UTRN: variants seen among roughly 807,000 people sequenced by gnomAD.
UTRN encodes utrophin.
In UTRN, 283 loss-of-function variants were observed where a neutral mutation model predicts 463.9. The ratio of observed to expected loss-of-function variants is 0.61; its 90% CI spans 0.55 to 0.67. UTRN has a LOEUF of 0.67. UTRN is among the 30% of genes least tolerant of loss of function. UTRN has a pLI of 0.00. For missense variants in UTRN, 3,922 were observed against 4,084.3 expected, an observed-to-expected ratio of 0.96 and a Z score of 1.08; for synonymous variants, 1,442 against 1,431.5, an observed-to-expected ratio of 1.01 and a Z score of -0.17.
At chr6:144,617,223 C>CA (rs1043058178) in intron 51 of UTRN, among the ~76,000 whole-genome samples, 1 of 152,118 alleles carries the variant, frequency 6.6e-6, no homozygotes, top group African/African-American at 2.4e-5. Context: ...TTATATCCAC[C>CA]ATACCATCAC....
intron 53 of UTRN, among the ~76,000 whole-genome samples, chr6:144,727,398 A>C (rs749644952): frequency 3.3e-5 from 5 of 152,176 alleles, no homozygotes; most frequent in Non-Finnish European, 5.9e-5. Context: ...AAATCTGTAC[A>C]TTCCTGGAAC....
intron 2 of UTRN, among the ~76,000 whole-genome samples, chr6:144,366,863 C>A (rs1394877468): frequency 6.6e-6 from 1 of 152,210 alleles, no homozygotes; most frequent in Non-Finnish European, 1.5e-5. Context: ...TACACTCCTA[C>A]CAACAGTGTG....
rs1023647818 is a variant in UTRN at position 144,491,734 on chromosome 6, A to G, written c.4437+632A>G. ...GACAGTTCTTTGTGCTTTTCAAAAC[A>G]AAGGATAAATTTTAATATATATGTG... On this transcript the variant is annotated intron_variant, in intron 32 of 74. Coordinates refer to ENST00000367545, the MANE Select transcript of UTRN (RefSeq NM_007124.3). Among the ~76,000 whole-genome samples the G allele has an allele frequency of 5.9e-5, 9 of 152,210 alleles. No individual in the cohort carries two copies. In the South Asian group the frequency reaches 1.7e-3, roughly 28 times the overall value.
chr6:144,490,517 C>T (rs1206092174), intron 31 of UTRN, among the ~76,000 whole-genome samples: 1 of 152,096 alleles, frequency 6.6e-6, no homozygotes, highest in African/African-American at 2.4e-5. Flanking sequence ...GTGGGCAGGC[C>T]GAGCATGAAT....
intron 65 of UTRN, among the ~76,000 whole-genome samples, chr6:144,807,634 A>G (rs550694785): frequency 1.5e-3 from 227 of 151,812 alleles, no homozygotes; most frequent in African/African-American, 5.1e-3. Flanking sequence ...AAACAGCTCA[A>G]CTCCCACTTT....
At chr6:144,364,073 G>A (rs1004737894) in intron 2 of UTRN, among the ~76,000 whole-genome samples, 1 of 152,196 alleles carries the variant, frequency 6.6e-6, no homozygotes, top group Non-Finnish European at 1.5e-5. Flanking sequence ...TGCTATTGAG[G>A]ACCTGGATGT....
chr6:144,509,883 A>G (rs1376320189), intron 34 of UTRN, among the ~76,000 whole-genome samples: 4 of 152,138 alleles, frequency 2.6e-5, no homozygotes, highest in Non-Finnish European at 5.9e-5. Context: ...ATTCTAGTCA[A>G]TCAGTACATG....
At chr6:144,615,783 A>T (rs912158146) in intron 51 of UTRN, among the ~76,000 whole-genome samples, 1 of 152,166 alleles carries the variant, frequency 6.6e-6, no homozygotes, top group Non-Finnish European at 1.5e-5. Context: ...TACATAACAT[A>T]AGTTATGGAA....
At chr6:144,471,924 A>T (rs117303574) in intron 23 of UTRN, among the ~76,000 whole-genome samples, 2 of 152,312 alleles carry the variant, frequency 1.3e-5, no homozygotes, top group Non-Finnish European at 2.9e-5. Context: ...TCAAAACTAC[A>T]AAGTATAGAA....
At chr6:144,766,296 A>G (rs1793333970) in intron 58 of UTRN, among the ~76,000 whole-genome samples, 1 of 151,904 alleles carries the variant, frequency 6.6e-6, no homozygotes, top group South Asian at 2.1e-4. Context: ...GGTGTTACTC[A>G]AATAAATGTT....
chr6:144,497,573 C>T lies in UTRN; in HGVS notation c.4594-1684C>T, dbSNP rs1390594653. Among the ~76,000 whole-genome samples, 10 of 150,236 alleles carry T rather than the reference C, an allele frequency of 6.7e-5. 1 individual carries two copies. The highest frequency in any genetic ancestry group is 4.2e-4 in the South Asian group (2 of 4,740). The stretch of plus-strand genomic sequence containing the variant: ...GTATGTGCCTGTAATCCCAGCTACT[C>T]GGGAGGCTGAGGCAGGAGAATCACT... On this transcript the variant is annotated intron_variant, in intron 33 of 74. Transcript: ENST00000367545.
At chr6:144,738,810 T>C (rs1789728204) in intron 54 of UTRN, among the ~76,000 whole-genome samples, 2 of 152,228 alleles carry the variant, frequency 1.3e-5, no homozygotes, top group Admixed American at 1.3e-4. Flanking sequence ...ACAACTACTA[T>C]TTTATTTAAG....
chr6:144,337,900 C>G (rs568413482), intron 2 of UTRN, among the ~76,000 whole-genome samples: 9 of 152,212 alleles, frequency 5.9e-5, no homozygotes, highest in Non-Finnish European at 8.8e-5. Flanking sequence ...TAGGCATGAG[C>G]CATTGCGCCC....
At chr6:144,785,184 G>A (rs1279683965) in intron 61 of UTRN, among the ~76,000 whole-genome samples, 1 of 152,092 alleles carries the variant, frequency 6.6e-6, no homozygotes, top group Non-Finnish European at 1.5e-5. Context: ...CTGAGGAATG[G>A]TACCTTGTTC....
chr6:144,553,771 G>T (rs934307840), intron 48 of UTRN, among the ~76,000 whole-genome samples: 5 of 152,082 alleles, frequency 3.3e-5, no homozygotes, highest in Non-Finnish European at 7.4e-5. Flanking sequence ...GTAGCCGGGT[G>T]TGGTGGCACA....
chr6:144,751,992 T>C, intron 56 of UTRN, 40 bp downstream of exon 56: 1 of 1,547,374 alleles, frequency 6.5e-7, no homozygotes, highest in South Asian at 1.3e-5. Context: ...GCTTACACCT[T>C]GGGTGGTCTT....
intron 2 of UTRN, among the ~76,000 whole-genome samples, chr6:144,318,912 A>G (rs1172530111): frequency 6.6e-6 from 1 of 152,176 alleles, no homozygotes; most frequent in African/African-American, 2.4e-5. Context: ...TCTACAAAAA[A>G]TACAAAAATT....
chr6:144,306,590 G>A (rs1374919221), intron 2 of UTRN, among the ~76,000 whole-genome samples: 2 of 152,064 alleles, frequency 1.3e-5, no homozygotes, highest in Non-Finnish European at 2.9e-5. Flanking sequence ...AGTAAGTGAA[G>A]TTCTAGATTG....
At chr6:144,490,021 C>T in intron 30 of UTRN, 50 bp from the exon 31 acceptor site, 2 of 1,579,040 alleles carry the variant, frequency 1.3e-6, no homozygotes, top group Non-Finnish European at 1.7e-6. Flanking sequence ...TCTTTTTATA[C>T]TTAAGTAAAA....
Sources: gnomAD v4.1 joint callset for allele counts (sites outside exome capture counted in the v4.1 genomes callset) on GRCh38, gnomAD v4.1.1 for gene constraint, MANE v1.5 for transcripts, NCBI Gene and HGNC (gene_info 2026-07-23, HGNC 2026-07-21) for gene names.